SLC9A9: variants seen among roughly 807,000 people sequenced by gnomAD.
SLC9A9 encodes the protein solute carrier family 9 member A9, also known as sodium/hydrogen exchanger 9.
A neutral mutation model predicts 77.8 loss-of-function variants in SLC9A9; 62 were observed. The observed-to-expected ratio is 0.80, with a 90% CI of 0.65 to 0.98. SLC9A9 has a LOEUF of 0.98. Ranked by LOEUF, SLC9A9 falls within the 50% of genes least tolerant of loss-of-function variation. The pLI, the probability that SLC9A9 is intolerant of heterozygous loss-of-function variation, is 0.00. For missense variants in SLC9A9, 775 were observed against 774.9 expected, an observed-to-expected ratio of 1.00 and a Z score of 0.00; for synonymous variants, 320 against 283.5, an observed-to-expected ratio of 1.13 and a Z score of -1.29.
chr3:143,435,395 C>A (rs1466252116), intron 12 of SLC9A9, among the ~76,000 whole-genome samples: 1 of 152,078 alleles, frequency 6.6e-6, no homozygotes, highest in Non-Finnish European at 1.5e-5. Flanking sequence ...GTAACAAAGT[C>A]AAAGTTTTCA....
At chr3:143,485,417 C>G (rs886480438) in intron 11 of SLC9A9, among the ~76,000 whole-genome samples, 1 of 151,964 alleles carries the variant, frequency 6.6e-6, no homozygotes, top group African/African-American at 2.4e-5. Context: ...GGGGGCCTGA[C>G]ATTAAATATT....
At chr3:143,509,930 G>A (rs1171206027) in intron 9 of SLC9A9, among the ~76,000 whole-genome samples, 1 of 152,150 alleles carries the variant, frequency 6.6e-6, no homozygotes, top group Non-Finnish European at 1.5e-5. Flanking sequence ...CGCTTAGTAA[G>A]TTGCTCTCCA....
intron 4 of SLC9A9, among the ~76,000 whole-genome samples, chr3:143,779,830 G>A (rs1576720840): frequency 6.6e-6 from 1 of 152,230 alleles, no homozygotes; most frequent in African/African-American, 2.4e-5. Flanking sequence ...TAACATTAGA[G>A]TAGACGTCCT....
At chr3:143,703,582 G>T (rs1203854368) in intron 4 of SLC9A9, among the ~76,000 whole-genome samples, 1 of 151,904 alleles carries the variant, frequency 6.6e-6, no homozygotes, top group African/African-American at 2.4e-5. Context: ...TAAGCAGGAA[G>T]TTTATAGCTA....
intron 11 of SLC9A9, among the ~76,000 whole-genome samples, chr3:143,469,759 A>T (rs1044824404): frequency 5.3e-5 from 8 of 152,238 alleles, no homozygotes; most frequent in Admixed American, 1.3e-4. Context: ...ATGCACTCTG[A>T]TTATAAAATA....
chr3:143,749,660 T>A (rs2006649327), intron 4 of SLC9A9, among the ~76,000 whole-genome samples: 1 of 152,238 alleles, frequency 6.6e-6, no homozygotes, highest in South Asian at 2.1e-4. Flanking sequence ...GATAAAAGAT[T>A]TCATCTTTAG....
chr3:143,563,416 A>C (rs975098373), intron 8 of SLC9A9, among the ~76,000 whole-genome samples: 6 of 152,174 alleles, frequency 3.9e-5, no homozygotes, highest in African/African-American at 1.4e-4. Context: ...GTGGTTGTAA[A>C]TTATGTAAGA....
Position 143,266,015 on chromosome 3 carries a change from G to C in SLC9A9, c.*687C>G. 1 of 701,466 alleles carries C rather than the reference G, an allele frequency of 1.4e-6. No individual in the cohort carries two copies. The highest frequency in any genetic ancestry group is 2.6e-6 in the Non-Finnish European group (1 of 384,382). 43.5% of individuals were successfully genotyped at this position (701,466 alleles called of 1,614,324 possible). ...GGTTTTCTTGGAATGGTCCTACTAA[G>C]CTTGAAAGTGGTGCTGCATTTAGGG... On this transcript the variant is annotated 3_prime_UTR_variant, in exon 16 of 16. Coordinates refer to ENST00000316549, the MANE Select transcript of SLC9A9 (RefSeq NM_173653.4).
At chr3:143,732,998 G>A (rs1000062290) in intron 4 of SLC9A9, among the ~76,000 whole-genome samples, 2 of 152,084 alleles carry the variant, frequency 1.3e-5, no homozygotes, top group South Asian at 4.1e-4. Context: ...AACATCATTA[G>A]GTAATAAACA....
chr3:143,588,411 G>A (rs2037591642), intron 6 of SLC9A9, among the ~76,000 whole-genome samples: 1 of 152,224 alleles, frequency 6.6e-6, no homozygotes, highest in Non-Finnish European at 1.5e-5. Context: ...TTAGGTTGGA[G>A]CCAGGTTGAT....
At chr3:143,500,485 A>T (rs2035906559) in intron 9 of SLC9A9, among the ~76,000 whole-genome samples, 1 of 152,132 alleles carries the variant, frequency 6.6e-6, no homozygotes, top group Non-Finnish European at 1.5e-5. Context: ...CCTGCCTTCA[A>T]CATAGCTTAG....
rs2035827342 is a variant in SLC9A9, at chr3:143,495,896, T to TTA, written c.1090-450_1090-449dup. Among the ~76,000 whole-genome samples the TTA allele has an allele frequency of 2.6e-5, 4 of 152,108 alleles. No individual in the cohort carries two copies. The South Asian group carries it at 6.2e-4, about 24-fold the overall frequency. ...CTGTTTTTTTTAAGCTTAAACTAAA[T>TTA]TACCCTTCTCAGGCAGGCAGGAGGG... On this transcript the variant is annotated intron_variant, in intron 9 of 15. Transcript: ENST00000316549.
intron 12 of SLC9A9, among the ~76,000 whole-genome samples, chr3:143,413,835 T>C (rs1419819862): frequency 2.0e-5 from 3 of 152,156 alleles, no homozygotes; most frequent in Non-Finnish European, 2.9e-5. Flanking sequence ...TGTACATGCA[T>C]GTGTGTTATG....
intron 4 of SLC9A9, among the ~76,000 whole-genome samples, chr3:143,717,685 T>A (rs572128880): frequency 6.6e-6 from 1 of 152,196 alleles, no homozygotes; most frequent in Non-Finnish European, 1.5e-5. Context: ...CCTAGTCCCT[T>A]TTTGCATTTG....
At chr3:143,312,380 A>G (rs1663590607) in intron 14 of SLC9A9, among the ~76,000 whole-genome samples, 1 of 152,228 alleles carries the variant, frequency 6.6e-6, no homozygotes, top group Non-Finnish European at 1.5e-5. Flanking sequence ...CTTATATGGA[A>G]AGAGCTTGGT....
At chr3:143,846,731 GTT>G (rs5853133) in intron 1 of SLC9A9, among the ~76,000 whole-genome samples, 130,492 of 146,398 alleles carry the variant, frequency 0.89, 58,857 homozygotes, top group South Asian at 0.97. Flanking sequence ...GCAAAAAAAG[GTT>G]TTTTTTTTTT....
chr3:143,526,882 A>G (rs2036416723), intron 9 of SLC9A9, among the ~76,000 whole-genome samples: 1 of 152,160 alleles, frequency 6.6e-6, no homozygotes, highest in Non-Finnish European at 1.5e-5. Context: ...TGTGTGTTGA[A>G]ATATATATCA....
chr3:143,559,975 C>T (rs909840887), intron 8 of SLC9A9, among the ~76,000 whole-genome samples: 1 of 152,210 alleles, frequency 6.6e-6, no homozygotes, highest in African/African-American at 2.4e-5. Flanking sequence ...ACCACTTTGC[C>T]TTGCCTGTTC....
intron 9 of SLC9A9, among the ~76,000 whole-genome samples, chr3:143,533,325 C>T (rs974100301): frequency 2.0e-5 from 3 of 152,170 alleles, no homozygotes; most frequent in African/African-American, 7.2e-5. Flanking sequence ...AGTGCTTGTC[C>T]TCCTACTTGC....
Sources: gnomAD v4.1 joint callset for allele counts (sites outside exome capture counted in the v4.1 genomes callset) on GRCh38, gnomAD v4.1.1 for gene constraint, MANE v1.5 for transcripts, NCBI Gene and HGNC (gene_info 2026-07-23, HGNC 2026-07-21) for gene names.